The following PID1 variants were observed in gnomAD, a reference collection of about 807,000 sequenced individuals.
The protein encoded by PID1 is PTB-containing, cubilin and LRP1-interacting protein.
In PID1, 10 loss-of-function variants were observed where a neutral mutation model predicts 19.1. The ratio of observed to expected loss-of-function variants is 0.52; its 90% CI spans 0.32 to 0.89. The LOEUF (loss-of-function observed/expected upper bound fraction) is 0.89, where lower values mean the gene tolerates loss of function less well. Among genes scored for constraint, PID1 ranks in the 40% least tolerant of loss-of-function variants. PID1 has a pLI of 0.03. For missense variants in PID1, 248 were observed against 285.3 expected, an observed-to-expected ratio of 0.87 and a Z score of 0.94; for synonymous variants, 130 against 116.0, an observed-to-expected ratio of 1.12 and a Z score of -0.78.
At chr2:229,180,550 C>T (rs1690918190) in intron 1 of PID1, among the ~76,000 whole-genome samples, 1 of 152,174 alleles carries the variant, frequency 6.6e-6, no homozygotes. Context: ...TGGAGGTTTC[C>T]ATGATCCACC....
chr2:229,225,050 T>C (rs1419941), intron 1 of PID1, among the ~76,000 whole-genome samples: 79,721 of 151,962 alleles, frequency 0.52, 21,594 homozygotes, highest in African/African-American at 0.61. Context: ...TAATTGATAC[T>C]ATAAGGTTAG....
intron 1 of PID1, among the ~76,000 whole-genome samples, chr2:229,223,678 T>C (rs529478892): frequency 1.3e-5 from 2 of 152,346 alleles, no homozygotes; most frequent in African/African-American, 4.8e-5. Flanking sequence ...CTGTCTGCCA[T>C]GGGGCTCTAG....
At chr2:229,194,060 A>G (rs1264069255) in intron 1 of PID1, among the ~76,000 whole-genome samples, 1 of 152,138 alleles carries the variant, frequency 6.6e-6, no homozygotes, top group Non-Finnish European at 1.5e-5. Context: ...TGGTTCAGAA[A>G]GCCTAATGAA....
At chr2:229,192,891 G>C (rs1364363177) in intron 1 of PID1, among the ~76,000 whole-genome samples, 1 of 152,034 alleles carries the variant, frequency 6.6e-6, no homozygotes, top group African/African-American at 2.4e-5. Context: ...AGCCACACAG[G>C]TTATTAGGAA....
At chr2:229,090,848 C>T (rs1340914993) in intron 2 of PID1, among the ~76,000 whole-genome samples, 3 of 152,146 alleles carry the variant, frequency 2.0e-5, no homozygotes, top group Non-Finnish European at 2.9e-5. Flanking sequence ...TGTGTTACTG[C>T]CAAAAAGCTC....
intron 2 of PID1, among the ~76,000 whole-genome samples, chr2:229,113,987 A>C (rs1471457182): frequency 6.6e-6 from 1 of 152,092 alleles, no homozygotes; most frequent in African/African-American, 2.4e-5. Flanking sequence ...AGGCAGCTGA[A>C]GGCCTTAATA....
intron 2 of PID1, among the ~76,000 whole-genome samples, chr2:229,053,831 G>A (rs575808580): frequency 6.6e-6 from 1 of 152,318 alleles, no homozygotes; most frequent in African/African-American, 2.4e-5. Context: ...AGCAATCAGG[G>A]AGAGCCCAAT....
intron 2 of PID1, among the ~76,000 whole-genome samples, chr2:229,151,967 C>A (rs907277632): frequency 6.6e-6 from 1 of 152,170 alleles, no homozygotes; most frequent in Non-Finnish European, 1.5e-5. Context: ...GAAAGGAGGG[C>A]AGCTCCTGCT....
At chr2:229,230,761 A>G (rs1389950033) in intron 1 of PID1, among the ~76,000 whole-genome samples, 1 of 152,212 alleles carries the variant, frequency 6.6e-6, no homozygotes, top group African/African-American at 2.4e-5. Flanking sequence ...ACAGCACACT[A>G]TAATTTCCAA....
chr2:229,035,412 T>C (rs1693640458), intron 2 of PID1, among the ~76,000 whole-genome samples: 1 of 152,078 alleles, frequency 6.6e-6, no homozygotes, highest in African/African-American at 2.4e-5. Context: ...GTCAATTATT[T>C]TAAAGATATG....
intron 1 of PID1, among the ~76,000 whole-genome samples, chr2:229,265,711 C>T (rs1363258920): frequency 2.0e-5 from 3 of 152,150 alleles, no homozygotes; most frequent in African/African-American, 7.2e-5. Context: ...TGCTGCTATT[C>T]ACAGAATAAA....
intron 2 of PID1, among the ~76,000 whole-genome samples, chr2:229,082,589 C>T (rs188118016): frequency 6.6e-6 from 1 of 152,306 alleles, no homozygotes; most frequent in Admixed American, 6.5e-5. Context: ...GACTCCAACA[C>T]TATTGCTGGT....
intron 1 of PID1, among the ~76,000 whole-genome samples, chr2:229,248,829 A>G (rs1690070974): frequency 6.6e-6 from 1 of 152,204 alleles, no homozygotes; most frequent in Non-Finnish European, 1.5e-5. Flanking sequence ...AAATTTGTCC[A>G]ATGAAAGCCA....
chr2:229,078,251 T>C (rs1694602924), intron 2 of PID1, among the ~76,000 whole-genome samples: 1 of 152,234 alleles, frequency 6.6e-6, no homozygotes, highest in Non-Finnish European at 1.5e-5. Context: ...TGATGTGGTA[T>C]ACTGAGGCTT....
At chr2:229,267,635 T>G (rs939733028) in intron 1 of PID1, among the ~76,000 whole-genome samples, 10 of 152,170 alleles carry the variant, frequency 6.6e-5, no homozygotes, top group African/African-American at 2.2e-4. Flanking sequence ...AGAAAATGCA[T>G]CTGGTAGCTC....
chr2:229,267,911 C>T (rs986083574), intron 1 of PID1, among the ~76,000 whole-genome samples: 7 of 151,830 alleles, frequency 4.6e-5, no homozygotes. Flanking sequence ...ATGTATAACA[C>T]TCCTCAATAC....
chr2:229,216,649 C>G (rs1312496780), intron 1 of PID1, among the ~76,000 whole-genome samples: 3 of 152,060 alleles, frequency 2.0e-5, no homozygotes, highest in East Asian at 3.9e-4. Flanking sequence ...AAAAACTATA[C>G]AGGTTTTTAC....
At chr2:229,122,481 G>A (rs546057205) in intron 2 of PID1, among the ~76,000 whole-genome samples, 1 of 152,158 alleles carries the variant, frequency 6.6e-6, no homozygotes. Flanking sequence ...GGGTTTTACA[G>A]CTTTTCCCCA....
intron 1 of PID1, among the ~76,000 whole-genome samples, chr2:229,198,216 G>C (rs1216882153): frequency 6.6e-6 from 1 of 151,972 alleles, no homozygotes; most frequent in African/African-American, 2.4e-5. Flanking sequence ...AAACACGTGA[G>C]GTTTTTGCAC....
Sources: allele counts gnomAD v4.1 joint callset (sites outside exome capture counted in the v4.1 genomes callset), GRCh38; gene constraint gnomAD v4.1.1; transcripts MANE v1.5; gene names NCBI Gene and HGNC (gene_info 2026-07-23, HGNC 2026-07-21).